The following FBXO8 variants were observed in gnomAD, a reference collection of about 807,000 sequenced individuals.
The protein encoded by FBXO8 is F-box protein 8, also known as F-box only protein 8.
A neutral mutation model predicts 33.4 loss-of-function variants in FBXO8; 15 were observed. The ratio of observed to expected loss-of-function variants is 0.45; its 90% confidence interval spans 0.30 to 0.69. The LOEUF is 0.69. Among genes scored for constraint, FBXO8 ranks in the 30% least tolerant of loss-of-function variants. FBXO8 has a pLI of 0.08. For missense variants in FBXO8, 274 were observed against 380.3 expected (o/e 0.72, Z 2.32); for synonymous variants, 132 against 131.5 (o/e 1.00, Z -0.02).
At chr4:174,240,160 A>G (rs557148021) in intron 4 of FBXO8, among the ~76,000 whole-genome samples, 1 of 151,124 alleles carries the variant, frequency 6.6e-6, no homozygotes, top group Admixed American at 6.6e-5. Flanking sequence ...AAGAAGAAAG[A>G]AAGAAAAAGA....
At chr4:174,276,195 A>G (rs1294504222) in intron 1 of FBXO8, among the ~76,000 whole-genome samples, 2 of 152,202 alleles carry the variant, frequency 1.3e-5, no homozygotes, top group African/African-American at 2.4e-5. Flanking sequence ...CAATATTAAC[A>G]GTAATACTTT....
At chr4:174,246,218 G>A (rs979901738) in intron 3 of FBXO8, among the ~76,000 whole-genome samples, 1 of 151,770 alleles carries the variant, frequency 6.6e-6, no homozygotes, top group African/African-American at 2.4e-5. Context: ...TTTAGGACAG[G>A]GACCAAGCCA....
chr4:174,282,954 A>G (rs988870982), intron 1 of FBXO8, among the ~76,000 whole-genome samples: 4 of 152,222 alleles, frequency 2.6e-5, no homozygotes, highest in Non-Finnish European at 4.4e-5. Flanking sequence ...AAGTTTGACT[A>G]CTGTAGCAGC....
chr4:174,246,829 A>G (rs1466218561), intron 3 of FBXO8, among the ~76,000 whole-genome samples: 1 of 152,038 alleles, frequency 6.6e-6, no homozygotes, highest in Non-Finnish European at 1.5e-5. Flanking sequence ...AGCAGAAAAC[A>G]AAGAACATGT....
Position 174,241,513 on chromosome 4 carries a change from A to G in FBXO8, c.457-295T>C, listed in dbSNP as rs942990701. 1.3e-5 allele frequency among the ~76,000 whole-genome samples: 2 copies of G among 151,512 alleles called. No homozygotes were observed. Among genetic ancestry groups the G allele is most frequent in the Non-Finnish European group, 3.0e-5 (2 of 67,566 alleles). ...TACAGAAATACGGCCTAATTTGGGGAAGGGGGCTGCAGATGAAACCACAAT... is the reference window on the plus strand; with the variant it reads ...TACAGAAATACGGCCTAATTTGGGGGAGGGGGCTGCAGATGAAACCACAAT... On this transcript the variant is annotated intron_variant, in intron 3 of 5. Transcript: ENST00000393674. The surrounding 1 kb of genome is among the most constrained non-coding windows in gnomAD (Gnocchi z 4.2).
intron 1 of FBXO8, among the ~76,000 whole-genome samples, chr4:174,266,834 A>G (rs1163953692): frequency 1.3e-5 from 2 of 152,240 alleles, no homozygotes; most frequent in Non-Finnish European, 2.9e-5. Context: ...ATGTACATAA[A>G]GTTAATTTCA....
rs1560867063 is a variant in FBXO8 at position 174,247,252 on chromosome 4, T to C, written c.457-6034A>G. On this transcript the variant is annotated intron_variant, in intron 3 of 5. Coordinates refer to ENST00000393674, the MANE Select transcript of FBXO8 (RefSeq NM_012180.3). This position sits in a 1 kb window ranked among gnomAD's most constrained non-coding sequence, Gnocchi z 4.6. ...AAAAGTTACATGATGTTTTGTTTTGTTTTATTGGTGTCACTAATAAAACAA... is the reference window on the plus strand; with the variant it reads ...AAAAGTTACATGATGTTTTGTTTTGCTTTATTGGTGTCACTAATAAAACAA... 6.6e-6 allele frequency among the ~76,000 whole-genome samples: 1 copy of C among 152,054 alleles called. No individual in the cohort carries two copies. The highest frequency in any genetic ancestry group is 1.5e-5 in the Non-Finnish European group (1 of 67,960).
rs766609360 is a variant in FBXO8, at chr4:174,267,952, G to T, written c.-8-4852C>A. On this transcript the variant is annotated intron_variant, in intron 1 of 5. Transcript: ENST00000393674. The surrounding 1 kb of genome is among the most constrained non-coding windows in gnomAD (Gnocchi z 4.7). ...GTTTTGGTGTAAATATGGATTTTGTGATGAAACTACAGCTTTATTTGTTCA... is the reference window on the plus strand; with the variant it reads ...GTTTTGGTGTAAATATGGATTTTGTTATGAAACTACAGCTTTATTTGTTCA... Among the ~76,000 whole-genome samples, 8 of 152,178 alleles carry T rather than the reference G, an allele frequency of 5.3e-5. No individual in the cohort carries two copies. The highest frequency in any genetic ancestry group is 3.3e-4 in the Admixed American group (5 of 15,286).
chr4:174,267,552 A>C lies in FBXO8; in HGVS notation c.-8-4452T>G, dbSNP rs1170619681. 2.0e-5 allele frequency among the ~76,000 whole-genome samples: 3 copies of C among 152,162 alleles called. No homozygotes were observed. The highest frequency in any genetic ancestry group is 3.8e-4 in the East Asian group (2 of 5,198). ...ACAGAGTGAGACCTTGCCTCTAAAAAAAATTAAAATTAAAAATTAAAAGAA... is the reference window on the plus strand; with the variant it reads ...ACAGAGTGAGACCTTGCCTCTAAAACAAATTAAAATTAAAAATTAAAAGAA... On this transcript the variant is annotated intron_variant, in intron 1 of 5. Transcript: ENST00000393674. The surrounding 1 kb of genome is among the most constrained non-coding windows in gnomAD (Gnocchi z 4.7).
At position 174,252,329 on chromosome 4, in the gene FBXO8, T is replaced by G. The variant is rs1008633999; in HGVS notation, c.456+7370A>C. 2.0e-5 allele frequency among the ~76,000 whole-genome samples: 3 copies of G among 152,068 alleles called. No individual in the cohort carries two copies. The highest frequency in any genetic ancestry group is 2.0e-4 in the Admixed American group (3 of 15,258). On this transcript the variant is annotated intron_variant, in intron 3 of 5. Coordinates refer to ENST00000393674, the MANE Select transcript of FBXO8 (RefSeq NM_012180.3). The surrounding 1 kb of genome is among the most constrained non-coding windows in gnomAD (Gnocchi z 5.1). ...GGATTACATCTCAAACTCCTAAGAG[T>G]CTGGATAATAATAATAGCAATAATA...
At chr4:174,273,641 C>CA (rs1361757773) in intron 1 of FBXO8, among the ~76,000 whole-genome samples, 2 of 152,062 alleles carry the variant, frequency 1.3e-5, no homozygotes, top group Non-Finnish European at 2.9e-5. Flanking sequence ...AATGGTTCAG[C>CA]AAAACAGTAA....
chr4:174,240,474 T>C (rs532816963), intron 4 of FBXO8, among the ~76,000 whole-genome samples: 1 of 151,918 alleles, frequency 6.6e-6, no homozygotes, highest in South Asian at 2.1e-4. Flanking sequence ...TTAAAAATGG[T>C]AGTTCAGTTA....
rs1341521674 is a variant in FBXO8 at position 174,251,242 on chromosome 4, GCA to G, written c.456+8455_456+8456del. Among the ~76,000 whole-genome samples the G allele has an allele frequency of 6.6e-6, 1 of 152,056 alleles. No individual in the cohort carries two copies. The highest frequency in any genetic ancestry group is 2.4e-5 in the African/African-American group (1 of 41,400). On this transcript the variant is annotated intron_variant, in intron 3 of 5. Coordinates refer to ENST00000393674, the MANE Select transcript of FBXO8 (RefSeq NM_012180.3). The surrounding 1 kb of genome is among the most constrained non-coding windows in gnomAD (Gnocchi z 4.2). Reference sequence around the variant, plus strand: ...ATACAGCAAATTAGTAGTTCCCATAGCACACTGAATAAAACAAGAGCAAAATA... The same window carrying G: ...ATACAGCAAATTAGTAGTTCCCATAGCACTGAATAAAACAAGAGCAAAATA...
In FBXO8 at chr4:174,237,886, G is replaced by T. The variant is rs772306450; in HGVS notation, c.773-287C>A. Among the ~76,000 whole-genome samples, 8 of 151,934 alleles carry T rather than the reference G, an allele frequency of 5.3e-5. No individual in the cohort carries two copies. Among genetic ancestry groups the T allele is most frequent in the Non-Finnish European group, 1.2e-4 (8 of 67,912 alleles). The stretch of plus-strand genomic sequence containing the variant: ...TCAAAAGAACTTTAGAACAGTTTAG[G>T]AGTGTATAGTAAAAATTCATTCTAG... On this transcript the variant is annotated intron_variant, in intron 5 of 5. Transcript: ENST00000393674. This position sits in a 1 kb window ranked among gnomAD's most constrained non-coding sequence, Gnocchi z 4.4.
chr4:174,251,780 G>A lies in FBXO8; in HGVS notation c.456+7919C>T, dbSNP rs1736291249. Among the ~76,000 whole-genome samples the A allele has an allele frequency of 6.6e-6, 1 of 152,122 alleles. No homozygotes were observed. Among genetic ancestry groups the A allele is most frequent in the South Asian group, 2.1e-4 (1 of 4,822 alleles). ...CATAATTTTTCACTTTGACTCTAATGCTGATCAAGGAGAAGGAGCCTGCCA... is the reference window on the plus strand; with the variant it reads ...CATAATTTTTCACTTTGACTCTAATACTGATCAAGGAGAAGGAGCCTGCCA... On this transcript the variant is annotated intron_variant, in intron 3 of 5. Coordinates refer to ENST00000393674, the MANE Select transcript of FBXO8 (RefSeq NM_012180.3). This position sits in a 1 kb window ranked among gnomAD's most constrained non-coding sequence, Gnocchi z 4.2.
In FBXO8 at chr4:174,259,026, T is replaced by C. The variant is rs554982458; in HGVS notation, c.456+673A>G. On this transcript the variant is annotated intron_variant, in intron 3 of 5. Transcript: ENST00000393674. This position sits in a 1 kb window ranked among gnomAD's most constrained non-coding sequence, Gnocchi z 4.3. ...TTTCACTTAGATTTCTAAGAATAAATCTGTAAGTATTTAAACATTTCTGAA... is the reference window on the plus strand; with the variant it reads ...TTTCACTTAGATTTCTAAGAATAAACCTGTAAGTATTTAAACATTTCTGAA... 6.6e-5 allele frequency among the ~76,000 whole-genome samples: 10 copies of C among 152,050 alleles called. No homozygotes were observed. The highest frequency in any genetic ancestry group is 2.4e-4 in the African/African-American group (10 of 41,532).
intron 4 of FBXO8, among the ~76,000 whole-genome samples, chr4:174,239,704 C>G (rs994989900): frequency 3.3e-5 from 5 of 151,656 alleles, no homozygotes; most frequent in Admixed American, 1.3e-4. Flanking sequence ...CTTTGTATAT[C>G]TTTATACCTA....
In FBXO8 at chr4:174,265,907, T is replaced by C. The variant is rs2126440563; in HGVS notation, c.-8-2807A>G. ...CTAGAAATCACATTAATTGCTGAGCTCACCTAGCACAGCTGTTATTTTAAA... is the reference window on the plus strand; with the variant it reads ...CTAGAAATCACATTAATTGCTGAGCCCACCTAGCACAGCTGTTATTTTAAA... On this transcript the variant is annotated intron_variant, in intron 1 of 5. Coordinates refer to ENST00000393674, the MANE Select transcript of FBXO8 (RefSeq NM_012180.3). This position sits in a 1 kb window ranked among gnomAD's most constrained non-coding sequence, Gnocchi z 4.7. Among the ~76,000 whole-genome samples, 1 of 152,354 alleles carries C rather than the reference T, an allele frequency of 6.6e-6. No homozygotes were observed. The highest frequency in any genetic ancestry group is 6.5e-5 in the Admixed American group (1 of 15,308).
intron 1 of FBXO8, among the ~76,000 whole-genome samples, chr4:174,266,472 T>C (rs1318097208): frequency 6.6e-6 from 1 of 152,180 alleles, no homozygotes; most frequent in Non-Finnish European, 1.5e-5. Context: ...ATCATGAGTT[T>C]AGCATTTGGA....
Sources: allele counts gnomAD v4.1 joint callset (sites outside exome capture counted in the v4.1 genomes callset), GRCh38; gene constraint gnomAD v4.1.1; non-coding constraint Gnocchi (gnomAD v3.1); transcripts MANE v1.5; gene names NCBI Gene and HGNC (gene_info 2026-07-23, HGNC 2026-07-21).